Variants in GPR149 observed in about 807,000 individuals in gnomAD.
GPR149 encodes probable G protein-coupled receptor 149.
A neutral mutation model predicts 50.2 loss-of-function variants in GPR149; 50 were observed. The observed-to-expected ratio is 1.00, with a 90% CI of 0.79 to 1.26. The LOEUF is 1.26. Ranked by LOEUF, GPR149 falls within the 50% of genes most tolerant of loss-of-function variation. GPR149 has a pLI of 0.00. For synonymous variants in GPR149, 405 were observed against 358.2 expected (o/e 1.13, Z -1.48); for missense variants, 983 against 895.4 (o/e 1.10, Z -1.25).
chr3:154,367,035 T>C (rs2108398508), intron 3 of GPR149, among the ~76,000 whole-genome samples: 1 of 152,298 alleles, frequency 6.6e-6, no homozygotes, highest in South Asian at 2.1e-4. Context: ...CTCACTGTTC[T>C]GGAGGCTGGA....
intron 3 of GPR149, among the ~76,000 whole-genome samples, chr3:154,380,370 C>G (rs114862159): frequency 2.7e-3 from 413 of 152,216 alleles, no homozygotes; most frequent in African/African-American, 9.3e-3. Context: ...AAAGGTTTCT[C>G]TACTATTTGA....
At chr3:154,376,931 G>A (rs1224495942) in intron 3 of GPR149, among the ~76,000 whole-genome samples, 1 of 151,652 alleles carries the variant, frequency 6.6e-6, no homozygotes, top group African/African-American at 2.4e-5. Context: ...GAATTATTTT[G>A]AGAATTAAAT....
Position 154,337,848 on chromosome 3 carries a change from C to T in GPR149, c.2047G>A (p.Gly683Ser), listed in dbSNP as rs751160117. ...TCTGGAATGGAGATATTAATATCAC[C>T]ATCAGGATTACTGGTGGGCAAAAAG... Reference protein sequence around the residue: ...SLFLPTSNPDGDINISIPDTV... With the variant: ...SLFLPTSNPDSDINISIPDTV... The change falls in exon 4 of 4, where the codon GGT (glycine) becomes AGT (serine). Residue 683 changes from glycine to serine, a missense_variant. Coordinates refer to ENST00000389740, the MANE Select transcript of GPR149 (RefSeq NM_001038705.3). 3.1e-6 allele frequency: 5 copies of T among 1,613,914 alleles called. No homozygotes were observed. The African/African-American group carries it at 6.7e-5, about 22-fold the overall frequency.
chr3:154,360,800 G>T (rs1714361235), intron 3 of GPR149, among the ~76,000 whole-genome samples: 1 of 152,102 alleles, frequency 6.6e-6, no homozygotes, highest in Non-Finnish European at 1.5e-5. Flanking sequence ...TAGGTTAGAT[G>T]CCTCTCTCTT....
chr3:154,412,295 A>C (rs1199814938), intron 3 of GPR149, among the ~76,000 whole-genome samples: 1 of 152,082 alleles, frequency 6.6e-6, no homozygotes, highest in African/African-American at 2.4e-5. Flanking sequence ...GGAACAAGAC[A>C]AGGATGCCCA....
intron 3 of GPR149, among the ~76,000 whole-genome samples, chr3:154,374,685 G>T (rs701126): frequency 6.6e-6 from 1 of 152,150 alleles, no homozygotes; most frequent in African/African-American, 2.4e-5. Context: ...TGGGTCCAAA[G>T]GGCATATATA....
rs757336107 is a variant in GPR149 at position 154,342,874 on chromosome 3, A to G, written c.1624-4603T>C. ...TGACTATAAAATAAAAACTACGTAT[A>G]CTTACCATTGATCCTATGTCTGTGA... On this transcript the variant is annotated intron_variant, in intron 3 of 3. Transcript: ENST00000389740. Among the ~76,000 whole-genome samples, 41 of 152,252 alleles carry G rather than the reference A, an allele frequency of 2.7e-4. 1 individual carries two copies. The highest frequency in any genetic ancestry group is 4.0e-4 in the Non-Finnish European group (27 of 68,046).
intron 3 of GPR149, among the ~76,000 whole-genome samples, chr3:154,375,960 T>A (rs1714784854): frequency 6.6e-6 from 1 of 152,232 alleles, no homozygotes; most frequent in South Asian, 2.1e-4. Context: ...GGCCTTAGAC[T>A]GGAACTCACA....
At chr3:154,361,664 G>T (rs1455386460) in intron 3 of GPR149, among the ~76,000 whole-genome samples, 1 of 152,102 alleles carries the variant, frequency 6.6e-6, no homozygotes, top group African/African-American at 2.4e-5. Flanking sequence ...ATCAAAACTT[G>T]TTAGGGTTTC....
chr3:154,393,745 A>G (rs1329045978), intron 3 of GPR149, among the ~76,000 whole-genome samples: 1 of 152,050 alleles, frequency 6.6e-6, no homozygotes, highest in East Asian at 1.9e-4. Context: ...AAATCAACAT[A>G]CAAAAATTAG....
At chr3:154,414,062 G>GA (rs1711916973) in intron 3 of GPR149, among the ~76,000 whole-genome samples, 2 of 151,896 alleles carry the variant, frequency 1.3e-5, no homozygotes, top group South Asian at 4.2e-4. Context: ...ACTCAGGAAT[G>GA]AAAAATCAAA....
chr3:154,335,691 TTCTA>T lies in GPR149; in HGVS notation c.*2004_*2007del, dbSNP rs1230347089. On this transcript the variant is annotated 3_prime_UTR_variant, in exon 4 of 4. Coordinates refer to ENST00000389740, the MANE Select transcript of GPR149 (RefSeq NM_001038705.3). The stretch of plus-strand genomic sequence containing the variant: ...GAGACGGAAAATGGGTATTATTGTC[TTCTA>T]TCTATTTCTTAATGCTCTTTAAACC... 6.6e-5 allele frequency: 10 copies of T among 152,160 alleles called. No individual in the cohort carries two copies. The highest frequency in any genetic ancestry group is 3.3e-4 in the Admixed American group (5 of 15,278). 9.4% of individuals were successfully genotyped at this position (152,160 alleles called of 1,614,324 possible).
intron 3 of GPR149, among the ~76,000 whole-genome samples, chr3:154,361,991 G>T (rs889328846): frequency 3.3e-5 from 5 of 152,064 alleles, no homozygotes; most frequent in African/African-American, 1.2e-4. Context: ...TATTTGTGAA[G>T]AGTTCTCCAG....
intron 3 of GPR149, among the ~76,000 whole-genome samples, chr3:154,400,439 A>G (rs1425122454): frequency 6.6e-6 from 1 of 152,212 alleles, no homozygotes; most frequent in Non-Finnish European, 1.5e-5. Flanking sequence ...AGAGGGTCTT[A>G]GTATCCTTTT....
chr3:154,411,685 A>G (rs1249555743), intron 3 of GPR149, among the ~76,000 whole-genome samples: 2 of 152,102 alleles, frequency 1.3e-5, no homozygotes, highest in African/African-American at 4.8e-5. Context: ...AATAACAAGC[A>G]GCAAGATTAA....
chr3:154,393,194 C>A (rs775662565), intron 3 of GPR149, among the ~76,000 whole-genome samples: 3 of 151,938 alleles, frequency 2.0e-5, no homozygotes, highest in Non-Finnish European at 2.9e-5. Context: ...AAAATACTGA[C>A]AAACCAAGTT....
At position 154,347,964 on chromosome 3, in the gene GPR149, C is replaced by T. The variant is rs569331854; in HGVS notation, c.1624-9693G>A. 3.7e-4 allele frequency among the ~76,000 whole-genome samples: 56 copies of T among 152,266 alleles called. 1 individual carries two copies. In the South Asian group the frequency reaches 7.9e-3, roughly 21 times the overall value. ...TAGTGGTGAAGTACTGCTGTGGAGT[C>T]GCATACACCTGAGTCACTATCTCTA... is the stretch of plus-strand genomic sequence containing the variant. On this transcript the variant is annotated intron_variant, in intron 3 of 3. Coordinates refer to ENST00000389740, the MANE Select transcript of GPR149 (RefSeq NM_001038705.3).
At chr3:154,342,155 A>G (rs1713813081) in intron 3 of GPR149, among the ~76,000 whole-genome samples, 2 of 152,192 alleles carry the variant, frequency 1.3e-5, no homozygotes, top group African/African-American at 2.4e-5. Flanking sequence ...AGATGGACAG[A>G]TTTGATTGCA....
Position 154,428,958 on chromosome 3 carries a change from C to T in GPR149, c.658G>A (p.Glu220Lys), listed in dbSNP as rs761917713. 8 of 1,614,068 alleles carry T rather than the reference C, an allele frequency of 5.0e-6. No individual in the cohort carries two copies. Among genetic ancestry groups the T allele is most frequent in the Non-Finnish European group, 6.8e-6 (8 of 1,180,014 alleles). The change falls in exon 1 of 4, where the codon GAG becomes AAG. Residue 220 changes from glutamate to lysine, a missense_variant. By Grantham distance (56) the Glu-to-Lys change is moderately conservative (BLOSUM62 1). Coordinates refer to ENST00000389740, the MANE Select transcript of GPR149 (RefSeq NM_001038705.3). ...VPLTHRLLCS[E>K]EPPRLHSNYQ... Reference sequence around the variant, plus strand: ...TTGGAGTGGAGTCTCGGCGGCTCCTCCGAACACAGCAATCGGTGAGTGAGT... The same window carrying T: ...TTGGAGTGGAGTCTCGGCGGCTCCTTCGAACACAGCAATCGGTGAGTGAGT...
Sources: gnomAD v4.1 joint callset for allele counts (sites outside exome capture counted in the v4.1 genomes callset) on GRCh38, gnomAD v4.1.1 for gene constraint, MANE v1.5 for transcripts, NCBI Gene and HGNC (gene_info 2026-07-23, HGNC 2026-07-21) for gene names.